QTMAN: variants seen among roughly 807,000 people sequenced by gnomAD.
QTMAN encodes the protein tRNA-queuosine alpha-mannosyltransferase.
At chr2:144,259,834 C>T in the QTMAN span, among the ~76,000 whole-genome samples, 1 of 151,566 alleles carries the variant, frequency 6.6e-6, no homozygotes, top group African/African-American at 2.4e-5. Flanking sequence ...TCTAAGTGAC[C>T]ACACCTCTCA....
the QTMAN span, among the ~76,000 whole-genome samples, chr2:144,212,489 A>C: frequency 1.6e-4 from 25 of 152,074 alleles, no homozygotes; most frequent in African/African-American, 5.6e-4. Flanking sequence ...CAACAAAAAC[A>C]ACAACGAAAG....
chr2:144,226,395 C>T, the QTMAN span, among the ~76,000 whole-genome samples: 13 of 152,248 alleles, frequency 8.5e-5, no homozygotes, highest in South Asian at 2.3e-3. Context: ...TTTTTAAGTG[C>T]AAAGTGTTGA....
At chr2:144,161,212 C>A in the QTMAN span, among the ~76,000 whole-genome samples, 7 of 152,006 alleles carry the variant, frequency 4.6e-5, no homozygotes, top group African/African-American at 7.3e-5. Flanking sequence ...TTATTTATGA[C>A]CAAAAGCTTC....
the QTMAN span, among the ~76,000 whole-genome samples, chr2:143,987,221 C>T: frequency 6.6e-6 from 1 of 152,216 alleles, no homozygotes; most frequent in Non-Finnish European, 1.5e-5. Context: ...ACCAACTTCA[C>T]TGCAGCCCAA....
At chr2:143,970,829 C>T in the QTMAN span, 2 of 860,526 alleles carry the variant, frequency 2.3e-6, no homozygotes, top group East Asian at 4.9e-5. Flanking sequence ...AGTGGTTTCA[C>T]TTCCTACAGT....
chr2:143,980,789 C>G, the QTMAN span, among the ~76,000 whole-genome samples: 10 of 152,336 alleles, frequency 6.6e-5, no homozygotes, highest in Admixed American at 2.6e-4. Flanking sequence ...TCTGCCAATC[C>G]AGCTTCCAAA....
At chr2:144,278,192 G>A in the QTMAN span, among the ~76,000 whole-genome samples, 1 of 152,158 alleles carries the variant, frequency 6.6e-6, no homozygotes, top group Non-Finnish European at 1.5e-5. Context: ...TCTAGCAGGA[G>A]TTGCATCTAG....
the QTMAN span, among the ~76,000 whole-genome samples, chr2:144,073,514 A>G: frequency 6.6e-6 from 1 of 152,102 alleles, no homozygotes; most frequent in African/African-American, 2.4e-5. Flanking sequence ...TCGTTTTCAA[A>G]AAGTTTGTTT....
the QTMAN span, among the ~76,000 whole-genome samples, chr2:144,130,901 A>G: frequency 6.6e-6 from 1 of 151,924 alleles, no homozygotes; most frequent in Admixed American, 6.6e-5. Context: ...ATCCAAAGTG[A>G]CCAAAAGCAA....
chr2:144,170,179 C>T, the QTMAN span, among the ~76,000 whole-genome samples: 1 of 152,068 alleles, frequency 6.6e-6, no homozygotes, highest in African/African-American at 2.4e-5. Context: ...TTATTATTGG[C>T]CAGTGGTGTT....
the QTMAN span, among the ~76,000 whole-genome samples, chr2:144,211,870 A>G: frequency 3.3e-5 from 5 of 152,226 alleles, no homozygotes; most frequent in Non-Finnish European, 7.3e-5. Flanking sequence ...GGTCACCTTG[A>G]TACTACAGAT....
the QTMAN span, among the ~76,000 whole-genome samples, chr2:144,023,458 A>C: frequency 6.6e-6 from 1 of 152,238 alleles, no homozygotes; most frequent in East Asian, 1.9e-4. Flanking sequence ...CAGACCTTTT[A>C]ACATTCTATG....
At chr2:144,056,479 A>G in the QTMAN span, among the ~76,000 whole-genome samples, 1 of 152,202 alleles carries the variant, frequency 6.6e-6, no homozygotes, top group African/African-American at 2.4e-5. Context: ...ACCATCTGAC[A>G]CACACTGTAC....
chr2:144,092,378 T>C, the QTMAN span, among the ~76,000 whole-genome samples: 1 of 152,026 alleles, frequency 6.6e-6, no homozygotes, highest in African/African-American at 2.4e-5. Context: ...GGTTTCACTG[T>C]GTTAACCAGG....
At chr2:144,199,680 C>T in the QTMAN span, among the ~76,000 whole-genome samples, 1 of 152,030 alleles carries the variant, frequency 6.6e-6, no homozygotes, top group Non-Finnish European at 1.5e-5. Context: ...AGGAGATGTA[C>T]AAATAAGCCT....
chr2:144,107,253 G>T, the QTMAN span, among the ~76,000 whole-genome samples: 18 of 152,170 alleles, frequency 1.2e-4, no homozygotes, highest in African/African-American at 4.3e-4. Flanking sequence ...AAATAACTAA[G>T]ATCAGAGCAG....
chr2:144,028,603 G>A, the QTMAN span, among the ~76,000 whole-genome samples: 6 of 152,218 alleles, frequency 3.9e-5, no homozygotes, highest in East Asian at 5.8e-4. Context: ...ATGAGACCAC[G>A]CTTCCACCGA....
At chr2:144,143,191 C>T in the QTMAN span, among the ~76,000 whole-genome samples, 1 of 151,990 alleles carries the variant, frequency 6.6e-6, no homozygotes. Flanking sequence ...TTCAACTTAT[C>T]ATATTCTCAA....
the QTMAN span, among the ~76,000 whole-genome samples, chr2:144,113,776 G>T: frequency 6.6e-6 from 1 of 152,190 alleles, no homozygotes; most frequent in Non-Finnish European, 1.5e-5. Context: ...GAATCTGTTT[G>T]CCTTTTTCAT....
Sources: allele counts gnomAD v4.1 joint callset (sites outside exome capture counted in the v4.1 genomes callset), GRCh38; gene constraint gnomAD v4.1.1; transcripts MANE v1.5; gene names NCBI Gene and HGNC (gene_info 2026-07-23, HGNC 2026-07-21).